Variants in PHF19 observed in about 807,000 individuals in gnomAD.
PHF19 encodes the protein polycomb like 3.
In PHF19, 21 loss-of-function variants were observed where a neutral mutation model predicts 79.8. That is an observed-to-expected ratio of 0.26 (90% CI 0.19 to 0.38). The LOEUF (loss-of-function observed/expected upper bound fraction) is 0.38, where lower values mean the gene tolerates loss of function less well. Among genes scored for constraint, PHF19 ranks in the 10% least tolerant of loss-of-function variants. The pLI, the probability that PHF19 is intolerant of heterozygous loss-of-function variation, is 1.00. For synonymous variants in PHF19, 273 were observed against 296.3 expected (o/e 0.92, Z 0.81); for missense variants, 445 against 744.2 (o/e 0.60, Z 4.68).
rs544382288 is a variant in PHF19 at position 120,860,251 on chromosome 9, G to A, written c.1305-66C>T. 3.9e-5 allele frequency: 33 copies of A among 849,916 alleles called. No homozygotes were observed. Among genetic ancestry groups the A allele is most frequent in the East Asian group, 1.3e-4 (5 of 37,756 alleles). The allele number at this position is 849,916 out of a possible 1,614,324, so 52.6% of individuals were successfully genotyped here. On this transcript the variant is annotated intron_variant, in intron 13 of 14. Coordinates refer to ENST00000373896, the MANE Select transcript of PHF19 (RefSeq NM_015651.3). This position sits in a 1 kb window ranked among gnomAD's most constrained non-coding sequence, Gnocchi z 4.1. ...CAGCAAGTTCCTGCCAACCTGGCCC[G>A]CAGGTTCCCCTAACATGCATCCTTC...
chr9:120,900,839 T>C, the PHF19 span, among the ~76,000 whole-genome samples: 1 of 152,260 alleles, frequency 6.6e-6, no homozygotes, highest in Non-Finnish European at 1.5e-5. Context: ...GTGCTGGGAT[T>C]AGAAGCGTGA....
chr9:120,895,413 C>T (rs569280954), upstream of PHF19, among the ~76,000 whole-genome samples: 5 of 149,422 alleles, frequency 3.3e-5, no homozygotes, highest in Non-Finnish European at 7.4e-5. Context: ...AGCAAGATCC[C>T]GTCTCAAAAA....
At chr9:120,864,146 G>C (rs988759288) in intron 9 of PHF19, 30 bp from the exon 10 acceptor site, 1 of 1,605,722 alleles carries the variant, frequency 6.2e-7, no homozygotes, top group Non-Finnish European at 8.5e-7. Context: ...CAGGACATCA[G>C]ACCCAGGCAT....
chr9:120,897,973 C>T (rs1413568587), upstream of PHF19, among the ~76,000 whole-genome samples: 4 of 105,606 alleles, frequency 3.8e-5, no homozygotes, highest in Admixed American at 9.9e-5. Flanking sequence ...AGTGAGACCC[C>T]GTCTCAAAAA....
intron 14 of PHF19, among the ~76,000 whole-genome samples, chr9:120,859,231 C>CTTTTT (rs59695692): frequency 9.5e-6 from 1 of 104,994 alleles, no homozygotes; most frequent in Non-Finnish European, 1.9e-5. Flanking sequence ...TACCATTGTC[C>CTTTTT]TTTTTTTTTT....
rs1189678158 is a variant in PHF19 at position 120,856,822 on chromosome 9, C to G, written c.*1122G>C. 1 of 152,688 alleles carries G rather than the reference C, an allele frequency of 6.5e-6. No individual in the cohort carries two copies. The highest frequency in any genetic ancestry group is 2.4e-5 in the African/African-American group (1 of 41,456). 9.5% of individuals were successfully genotyped at this position (152,688 alleles called of 1,614,324 possible). ...TATGGGACCAATGCTGGTTGATGGG[C>G]TGAAAGAAGGAGCGGCCACTGAGCT... is the stretch of plus-strand genomic sequence containing the variant. On this transcript the variant is annotated 3_prime_UTR_variant, in exon 15 of 15. Transcript: ENST00000373896.
the PHF19 span, among the ~76,000 whole-genome samples, chr9:120,901,358 A>AT: frequency 1.8e-4 from 28 of 151,634 alleles, no homozygotes; most frequent in South Asian, 8.3e-4. Flanking sequence ...ATGCCCAGCT[A>AT]TTTTTTTTGT....
rs1009641865 is a variant in PHF19, at chr9:120,856,947, A to G, written c.*997T>C. On this transcript the variant is annotated 3_prime_UTR_variant, in exon 15 of 15. Coordinates refer to ENST00000373896, the MANE Select transcript of PHF19 (RefSeq NM_015651.3). The stretch of plus-strand genomic sequence containing the variant: ...AGGGACGGTGTGGCTCTGTGTGTGT[A>G]CACTTGGGCATGTGGTGGTGTGGCC... 16 of 152,732 alleles carry G rather than the reference A, an allele frequency of 1.0e-4. No individual in the cohort carries two copies. Among genetic ancestry groups the G allele is most frequent in the African/African-American group, 3.9e-4 (16 of 41,414 alleles). 9.5% of individuals were successfully genotyped at this position (152,732 alleles called of 1,614,324 possible).
Position 120,857,915 on chromosome 9 carries a change from T to G in PHF19, c.*29A>C. 1 of 1,410,782 alleles carries G rather than the reference T, an allele frequency of 7.1e-7. No individual in the cohort carries two copies. The highest frequency in any genetic ancestry group is 9.7e-7 in the Non-Finnish European group (1 of 1,030,072). The allele number at this position is 1,410,782 out of a possible 1,614,324, so 87.4% of individuals were successfully genotyped here. ...GCTTCTGCTGCTCCTCCTTTGGTTT[T>G]CAGGACCCCTGGCACCCCCGGGGGC... is the stretch of plus-strand genomic sequence containing the variant. On this transcript the variant is annotated 3_prime_UTR_variant, in exon 15 of 15. Transcript: ENST00000373896.
the PHF19 span, chr9:120,903,375 C>T: frequency 6.6e-6 from 1 of 152,278 alleles, no homozygotes; most frequent in Non-Finnish European, 1.5e-5. Context: ...CTAAGCATGA[C>T]AGGATGCCAG....
At chr9:120,863,969 G>T in intron 10 of PHF19, 80 bp downstream of exon 10, 1 of 1,158,742 alleles carries the variant, frequency 8.6e-7, no homozygotes, top group Non-Finnish European at 1.3e-6. Context: ...AGGGAGCATA[G>T]CCTGAGCAAA....
rs992537362 is a variant in PHF19 at position 120,857,042 on chromosome 9, G to A, written c.*902C>T. On this transcript the variant is annotated 3_prime_UTR_variant, in exon 15 of 15. Coordinates refer to ENST00000373896, the MANE Select transcript of PHF19 (RefSeq NM_015651.3). Reference sequence around the variant, plus strand: ...TGGATGGAAGCTTGTGCGAGTGGGTGTGTATTGTCTGCTGTGTGGTGTCTG... The same window carrying A: ...TGGATGGAAGCTTGTGCGAGTGGGTATGTATTGTCTGCTGTGTGGTGTCTG... The A allele has an allele frequency of 6.6e-6, 1 of 152,546 alleles. No individual in the cohort carries two copies. The highest frequency in any genetic ancestry group is 2.4e-5 in the African/African-American group (1 of 41,446). The allele number at this position is 152,546 out of a possible 1,614,324, so 9.4% of individuals were successfully genotyped here.
chr9:120,899,376 G>A (rs1332239222), upstream of PHF19, among the ~76,000 whole-genome samples: 2 of 149,220 alleles, frequency 1.3e-5, no homozygotes, highest in African/African-American at 5.0e-5. Flanking sequence ...GGCGCCTGTA[G>A]TCCCAGCTAC....
intron 1 of PHF19, among the ~76,000 whole-genome samples, chr9:120,892,534 T>G (rs1234078921): frequency 1.3e-5 from 2 of 152,232 alleles, no homozygotes; most frequent in Non-Finnish European, 2.9e-5. Flanking sequence ...GGTGTGCCAG[T>G]GTCTTATGGA....
chr9:120,882,284 G>A (rs1354729906), intron 1 of PHF19, among the ~76,000 whole-genome samples: 2 of 152,220 alleles, frequency 1.3e-5, no homozygotes, highest in Admixed American at 1.3e-4. Flanking sequence ...AAGGTTCCCT[G>A]CCTCCCAGTG....
intron 1 of PHF19, among the ~76,000 whole-genome samples, chr9:120,893,731 G>T (rs2046370345): frequency 6.6e-6 from 1 of 152,232 alleles, no homozygotes; most frequent in Non-Finnish European, 1.5e-5. Context: ...CCCTCTGAGG[G>T]TTGGACACCA....
chr9:120,887,073 AAAAAGAAAAG>A (rs3047157), intron 1 of PHF19, among the ~76,000 whole-genome samples: 2 of 144,296 alleles, frequency 1.4e-5, no homozygotes, highest in African/African-American at 5.2e-5. Context: ...CTAAAAAAAA[AAAAAGAAAAG>A]AAAAGAAAAG....
chr9:120,887,073 A>AAAGAG (rs1554821910), intron 1 of PHF19, among the ~76,000 whole-genome samples: 1 of 144,296 alleles, frequency 6.9e-6, no homozygotes, highest in Non-Finnish European at 1.5e-5. Context: ...CTAAAAAAAA[A>AAAGAG]AAAAGAAAAG....
intron 8 of PHF19, 69 bp from the exon 9 acceptor site, chr9:120,865,899 T>C: frequency 1.2e-6 from 2 of 1,610,150 alleles, no homozygotes; most frequent in South Asian, 2.2e-5. Flanking sequence ...CACAGCTTTC[T>C]GGGTCCAGGC....
Sources: gnomAD v4.1 joint callset for allele counts (sites outside exome capture counted in the v4.1 genomes callset) on GRCh38, gnomAD v4.1.1 for gene constraint, Gnocchi (gnomAD v3.1) non-coding constraint, MANE v1.5 for transcripts, NCBI Gene and HGNC (gene_info 2026-07-23, HGNC 2026-07-21) for gene names.